Variants in VIPR2 observed in about 807,000 individuals in gnomAD.
The protein encoded by VIPR2 is vasoactive intestinal polypeptide receptor 2.
A neutral mutation model predicts 58.0 loss-of-function variants in VIPR2; 48 were observed. The ratio of observed to expected loss-of-function variants is 0.83; its 90% confidence interval spans 0.66 to 1.05. VIPR2 has a LOEUF of 1.05. Ranked by LOEUF, VIPR2 falls within the 50% of genes least tolerant of loss-of-function variation. VIPR2 has a pLI of 0.00. For synonymous variants in VIPR2, 243 were observed against 235.2 expected, an observed-to-expected ratio of 1.03 and a Z score of -0.30; for missense variants, 534 against 558.0, an observed-to-expected ratio of 0.96 and a Z score of 0.43.
rs777103361 is a variant in VIPR2 at position 159,117,453 on chromosome 7, A to G, written c.152-7534T>C. 1.4e-5 allele frequency: 10 copies of G among 716,740 alleles called. No homozygotes were observed. The South Asian group carries it at 1.5e-4, about 11-fold the overall frequency. 44.4% of individuals were successfully genotyped at this position (716,740 alleles called of 1,614,324 possible). On this transcript the variant is annotated intron_variant, in intron 2 of 12. Transcript: ENST00000262178. ...GTGAGCACATGAAACATAGTGCCGC[A>G]CCACACAAAGGCAATGCAGGACGTC...
chr7:159,069,413 ACTC>A (rs1473410761), intron 4 of VIPR2, among the ~76,000 whole-genome samples: 5 of 151,856 alleles, frequency 3.3e-5, no homozygotes, highest in African/African-American at 1.2e-4. Flanking sequence ...CACCTGCTGC[ACTC>A]CTCCTCACGT....
chr7:159,067,258 C>G lies in VIPR2; in HGVS notation c.358-8680G>C, dbSNP rs1206820564. ...TTTGCATGTGTGTATTTTCCAGTCT[C>G]ACATAAAGGGCAGCCAAACGGATGC... On this transcript the variant is annotated intron_variant, in intron 4 of 12. Transcript: ENST00000262178. Among the ~76,000 whole-genome samples the G allele has an allele frequency of 3.3e-5, 5 of 152,364 alleles. 1 individual carries two copies. The East Asian group carries it at 9.6e-4, about 29-fold the overall frequency.
intron 5 of VIPR2, among the ~76,000 whole-genome samples, chr7:159,045,347 C>T (rs1210463419): frequency 6.6e-6 from 1 of 152,208 alleles, no homozygotes; most frequent in African/African-American, 2.4e-5. Flanking sequence ...CAATTTCAAA[C>T]TTACTACAGA....
intron 4 of VIPR2, among the ~76,000 whole-genome samples, chr7:159,070,033 T>C (rs1856298438): frequency 6.6e-6 from 1 of 152,208 alleles, no homozygotes; most frequent in African/African-American, 2.4e-5. Context: ...AGACAGAACC[T>C]GTTTGCTTTG....
intron 4 of VIPR2, among the ~76,000 whole-genome samples, chr7:159,069,364 C>T (rs904199675): frequency 6.6e-6 from 1 of 152,190 alleles, no homozygotes; most frequent in Non-Finnish European, 1.5e-5. Context: ...TGGGTATGCA[C>T]TCCTGGGAAC....
At chr7:159,052,082 A>T (rs973258114) in intron 5 of VIPR2, among the ~76,000 whole-genome samples, 6 of 152,234 alleles carry the variant, frequency 3.9e-5, no homozygotes, top group African/African-American at 1.4e-4. Flanking sequence ...TGAAACTTTT[A>T]CCAAAACAGA....
chr7:159,058,679 C>T (rs1335680566), intron 4 of VIPR2, 101 bp from the exon 5 acceptor site: 10 of 883,908 alleles, frequency 1.1e-5, no homozygotes. Flanking sequence ...CCATGAAGGA[C>T]TCTTGCCTGC....
intron 4 of VIPR2, among the ~76,000 whole-genome samples, chr7:159,086,290 A>G (rs1191392249): frequency 2.0e-5 from 3 of 152,228 alleles, no homozygotes; most frequent in African/African-American, 7.2e-5. Context: ...AAGGTAAAGC[A>G]CAGATATGAT....
chr7:159,120,909 C>CT (rs1186402447), intron 2 of VIPR2, among the ~76,000 whole-genome samples: 1 of 152,208 alleles, frequency 6.6e-6, no homozygotes, highest in East Asian at 1.9e-4. Flanking sequence ...TGGCTCCAAA[C>CT]TTTAACATTT....
chr7:159,040,684 A>G (rs1483509879), intron 6 of VIPR2, among the ~76,000 whole-genome samples: 4 of 152,224 alleles, frequency 2.6e-5, no homozygotes, highest in Admixed American at 6.5e-5. Context: ...GGTTTGGTGA[A>G]GTCAGCTGGG....
At chr7:159,074,188 C>T (rs1053109660) in intron 4 of VIPR2, among the ~76,000 whole-genome samples, 1 of 152,158 alleles carries the variant, frequency 6.6e-6, no homozygotes, top group Non-Finnish European at 1.5e-5. Context: ...TAAATTTAAT[C>T]AGGCCTCATT....
intron 3 of VIPR2, 130 bp from the exon 4 acceptor site, chr7:159,103,984 A>G: frequency 1.3e-6 from 1 of 756,864 alleles, no homozygotes; most frequent in Non-Finnish European, 2.2e-6. Context: ...AGGAGACAGG[A>G]CTGCCACTCA....
In VIPR2 at chr7:159,092,542, T is replaced by C. The variant is rs146943886; in HGVS notation, c.357+11215A>G. On this transcript the variant is annotated intron_variant, in intron 4 of 12. Coordinates refer to ENST00000262178, the MANE Select transcript of VIPR2 (RefSeq NM_003382.5). ...CTGAAGAGTCTTGACTCATTCCAAA[T>C]TGTACAGCCTCTGGCATCAAAATAA... Among the ~76,000 whole-genome samples the C allele has an allele frequency of 7.1e-3, 1,087 of 152,250 alleles. 13 individuals are homozygous for C. Among genetic ancestry groups the C allele is most frequent in the African/African-American group, 0.025 (1,030 of 41,538 alleles).
Position 159,030,557 on chromosome 7 carries a change from A to G in VIPR2, c.*59T>C, listed in dbSNP as rs1853477884. On this transcript the variant is annotated 3_prime_UTR_variant, in exon 13 of 13. Coordinates refer to ENST00000262178, the MANE Select transcript of VIPR2 (RefSeq NM_003382.5). ...TCTGGAAGGAGGAAGCCGGCGTCTC[A>G]GCCCCGCAGAAGCCCCGAACCGTGG... The G allele has an allele frequency of 6.8e-7, 1 of 1,467,904 alleles. No homozygotes were observed. Among genetic ancestry groups the G allele is most frequent in the African/African-American group, 1.4e-5 (1 of 69,892 alleles). 90.9% of individuals were successfully genotyped at this position (1,467,904 alleles called of 1,614,324 possible).
At chr7:159,042,030 C>G (rs770910487) in intron 6 of VIPR2, among the ~76,000 whole-genome samples, 43 of 152,182 alleles carry the variant, frequency 2.8e-4, no homozygotes, top group Admixed American at 5.2e-4. Context: ...ATCTGATTCA[C>G]AGGCATCACG....
intron 2 of VIPR2, among the ~76,000 whole-genome samples, chr7:159,126,119 C>G (rs1165580208): frequency 2.0e-5 from 3 of 152,212 alleles, no homozygotes; most frequent in Non-Finnish European, 4.4e-5. Context: ...TTCCCTGCAT[C>G]TGGAGATGCT....
chr7:159,103,885 C>T (rs574011223), intron 3 of VIPR2, 31 bp from the exon 4 acceptor site: 2 of 1,587,342 alleles, frequency 1.3e-6, no homozygotes, highest in Admixed American at 1.7e-5. Context: ...ATTTTATCTG[C>T]AAGTCCATGA....
chr7:159,052,497 C>A (rs1161374046), intron 5 of VIPR2, among the ~76,000 whole-genome samples: 1 of 152,170 alleles, frequency 6.6e-6, no homozygotes, highest in Non-Finnish European at 1.5e-5. Flanking sequence ...GATATAACAT[C>A]TTATCTAACC....
At chr7:159,048,160 TCTAATCAA>T (rs139926838) in intron 5 of VIPR2, among the ~76,000 whole-genome samples, 16,264 of 152,260 alleles carry the variant, frequency 0.11, 922 homozygotes, top group Middle Eastern at 0.16. Flanking sequence ...AAACACTTTT[TCTAATCAA>T]TGGATTTAGA....
Sources: gnomAD v4.1 joint callset for allele counts (sites outside exome capture counted in the v4.1 genomes callset) on GRCh38, gnomAD v4.1.1 for gene constraint, MANE v1.5 for transcripts, NCBI Gene and HGNC (gene_info 2026-07-23, HGNC 2026-07-21) for gene names.